The following FCRL3 variants were observed in gnomAD, a reference collection of about 807,000 sequenced individuals.
FCRL3 encodes the protein Fc receptor like 3, also known as Fc receptor-like protein 3.
In FCRL3, 89 loss-of-function variants were observed where a neutral mutation model predicts 75.0. That is an observed-to-expected ratio of 1.19 (90% CI 1.00 to 1.42). The LOEUF is 1.42. Ranked by LOEUF, FCRL3 falls within the 40% of genes most tolerant of loss-of-function variation. The pLI, the probability that FCRL3 is intolerant of heterozygous loss-of-function variation, is 0.00. For synonymous variants in FCRL3, 376 were observed against 348.5 expected, an observed-to-expected ratio of 1.08 and a Z score of -0.88; for missense variants, 946 against 880.0, an observed-to-expected ratio of 1.07 and a Z score of -0.95.
In FCRL3 at chr1:157,697,278, C is replaced by G. The variant is rs373477619; in HGVS notation, c.706G>C (p.Gly236Arg). The change falls in exon 6 of 15, where the codon GGA (glycine) becomes CGA (arginine). Residue 236 changes from glycine (G) to arginine (R), a missense_variant. Coordinates refer to ENST00000368184, the MANE Select transcript of FCRL3 (RefSeq NM_052939.4). ...FSLFRDSQTL[G>R]LGWSRSPRLQ... ...CTGGGGGACCTGCTCCAGCCCAATC[C>G]GAGGGTCTGGCTATCTCTGAAGAGG... 4 of 1,612,298 alleles carry G rather than the reference C, an allele frequency of 2.5e-6. No homozygotes were observed. The highest frequency in any genetic ancestry group is 3.4e-6 in the Non-Finnish European group (4 of 1,178,950).
Position 157,676,584 on chromosome 1 carries a change from A to C in FCRL3, c.*2126T>G. On this transcript the variant is annotated 3_prime_UTR_variant, in exon 15 of 15. Transcript: ENST00000368184. ...GTTGTGAATTCAAAGATAAAAGTCA[A>C]GTAGAGCACTGCATGAGAATAATTC... The C allele has an allele frequency of 1.2e-6, 1 of 835,918 alleles. No individual in the cohort carries two copies. The allele number at this position is 835,918 out of a possible 1,614,324, so 51.8% of individuals were successfully genotyped here.
chr1:157,677,996 T>A lies in FCRL3; in HGVS notation c.*714A>T. On this transcript the variant is annotated 3_prime_UTR_variant, in exon 15 of 15. Transcript: ENST00000368184. ...TGACTGACTAGAAATCTATCATGTA[T>A]GGCAAATGATGAGACTATGTCATGA... 1 of 985,368 alleles carries A rather than the reference T, an allele frequency of 1.0e-6. No homozygotes were observed. Among genetic ancestry groups the A allele is most frequent in the African/African-American group, 1.7e-5 (1 of 57,342 alleles). The allele number at this position is 985,368 out of a possible 1,614,324, so 61.0% of individuals were successfully genotyped here.
Position 157,700,501 on chromosome 1 carries a change from G to A in FCRL3, c.-12C>T, listed in dbSNP as rs775892185. Reference sequence around the variant, plus strand: ...AGCCACAGAAGCATGGGCACCGGCCGGGCAGAGGGTTGGGAAAGTCTGTCT... The same window carrying A: ...AGCCACAGAAGCATGGGCACCGGCCAGGCAGAGGGTTGGGAAAGTCTGTCT... On this transcript the variant is annotated 5_prime_UTR_variant, in exon 2 of 15. Coordinates refer to ENST00000368184, the MANE Select transcript of FCRL3 (RefSeq NM_052939.4). 2.7e-5 allele frequency: 44 copies of A among 1,614,004 alleles called. No individual in the cohort carries two copies. The highest frequency in any genetic ancestry group is 3.6e-5 in the Non-Finnish European group (42 of 1,179,930).
intron 6 of FCRL3, chr1:157,696,882 G>A (rs1655942610): frequency 3.2e-6 from 1 of 316,054 alleles, no homozygotes; most frequent in African/African-American, 2.1e-5. Flanking sequence ...CTTGATTCAT[G>A]AGAGAACCGA....
intron 10 of FCRL3, among the ~76,000 whole-genome samples, chr1:157,685,394 T>A (rs965609154): frequency 2.6e-5 from 4 of 152,024 alleles, no homozygotes; most frequent in African/African-American, 9.7e-5. Flanking sequence ...CTATTCTAAA[T>A]ATATATGCAC....
chr1:157,685,146 A>C (rs1338762739), intron 10 of FCRL3, among the ~76,000 whole-genome samples: 1 of 151,942 alleles, frequency 6.6e-6, no homozygotes, highest in Non-Finnish European at 1.5e-5. Flanking sequence ...TGACAACCTC[A>C]ACACTGAGAT....
chr1:157,690,661 A>T, intron 8 of FCRL3, 128 bp from the exon 9 acceptor site: 1 of 1,155,982 alleles, frequency 8.7e-7, no homozygotes, highest in Non-Finnish European at 1.2e-6. Context: ...CCTGGGCTTC[A>T]ATCCTGTCTC....
chr1:157,677,097 GGC>G lies in FCRL3; in HGVS notation c.*1611_*1612del, dbSNP rs1654510099. On this transcript the variant is annotated 3_prime_UTR_variant, in exon 15 of 15. Coordinates refer to ENST00000368184, the MANE Select transcript of FCRL3 (RefSeq NM_052939.4). ...CAGGACATCATGCCCTGCACTCAAAGGCCAGGATAAGGGTAACAGAGGCCAGT... is the reference window on the plus strand; with the variant it reads ...CAGGACATCATGCCCTGCACTCAAAGCAGGATAAGGGTAACAGAGGCCAGT... 1 of 1,105,994 alleles carries G rather than the reference GGC, an allele frequency of 9.0e-7. No homozygotes were observed. The highest frequency in any genetic ancestry group is 1.1e-6 in the Non-Finnish European group (1 of 897,976). 68.5% of individuals were successfully genotyped at this position (1,105,994 alleles called of 1,614,324 possible).
At chr1:157,686,359 C>T (rs1214913541) in intron 10 of FCRL3, among the ~76,000 whole-genome samples, 1 of 152,080 alleles carries the variant, frequency 6.6e-6, no homozygotes, top group African/African-American at 2.4e-5. Context: ...AATGGCCATA[C>T]TGCCCAAAGA....
chr1:157,692,205 A>C (rs1003064281), intron 8 of FCRL3, among the ~76,000 whole-genome samples: 2 of 151,902 alleles, frequency 1.3e-5, no homozygotes, highest in African/African-American at 4.8e-5. Context: ...TAAATCATAA[A>C]ATATATTTTT....
Position 157,696,146 on chromosome 1 carries a change from C to T in FCRL3, c.1026G>A (p.Glu342=), listed in dbSNP as rs774439537. Residue 342 remains glutamate (E), a synonymous_variant, in exon 7 of 15, where the codon GAG becomes GAA. Transcript: ENST00000368184. Reference sequence around the variant, plus strand: ...TCTCCTTCACGGTGAGAACATGCAGCTCTGCCAACAGGGAACGCTGGGTCT... The same window carrying T: ...TCTCCTTCACGGTGAGAACATGCAGTTCTGCCAACAGGGAACGCTGGGTCT... ...GRKTQRSLLA[E]LHVLTVKESD... is the part of the protein sequence containing the mutation. The T allele has an allele frequency of 2.0e-5, 32 of 1,613,926 alleles. No individual in the cohort carries two copies. The Admixed American group carries it at 5.0e-4, about 25-fold the overall frequency.
At chr1:157,681,132 GT>G in intron 11 of FCRL3, 33 bp from the exon 12 acceptor site, 1 of 1,385,528 alleles carries the variant, frequency 7.2e-7, no homozygotes, top group Non-Finnish European at 9.7e-7. Context: ...GGATTAAAAA[GT>G]ATCTGTGGGT....
At chr1:157,682,672 A>C (rs982124060) in intron 11 of FCRL3, among the ~76,000 whole-genome samples, 1 of 152,236 alleles carries the variant, frequency 6.6e-6, no homozygotes, top group Non-Finnish European at 1.5e-5. Flanking sequence ...CTGATACACA[A>C]AGACCTCTGC....
chr1:157,677,916 C>T lies in FCRL3; in HGVS notation c.*794G>A. The T allele has an allele frequency of 1.0e-6, 1 of 976,186 alleles. No homozygotes were observed. Among genetic ancestry groups the T allele is most frequent in the Non-Finnish European group, 1.2e-6 (1 of 821,960 alleles). 60.5% of individuals were successfully genotyped at this position (976,186 alleles called of 1,614,324 possible). The stretch of plus-strand genomic sequence containing the variant: ...TAGAGGAAGAGAATGGGAGAAGCCA[C>T]ATAGATATAGTAGGTTATTGTCTCG... On this transcript the variant is annotated 3_prime_UTR_variant, in exon 15 of 15. Transcript: ENST00000368184.
Position 157,697,184 on chromosome 1 carries a change from T to C in FCRL3, c.800A>G (p.His267Arg), listed in dbSNP as rs745560678. ...TCTCAGGCTCCTTTTTTTGATGCTGTGAGTCACTGTCTCCACCTCACACCA... is the reference window on the plus strand; with the variant it reads ...TCTCAGGCTCCTTTTTTTGATGCTGCGAGTCACTGTCTCCACCTCACACCA... ...SYWCEVETVTHSIKKRSLRSQ... is the reference protein window; with the variant it reads ...SYWCEVETVTRSIKKRSLRSQ... Residue 267 changes from histidine to arginine, a missense_variant, in exon 6 of 15, where the codon CAC becomes CGC. Coordinates refer to ENST00000368184, the MANE Select transcript of FCRL3 (RefSeq NM_052939.4). 2.0e-6 allele frequency: 3 copies of C among 1,529,518 alleles called. No homozygotes were observed. The South Asian group carries it at 3.9e-5, about 20-fold the overall frequency. 94.7% of individuals were successfully genotyped at this position (1,529,518 alleles called of 1,614,324 possible).
intron 8 of FCRL3, chr1:157,692,044 T>C (rs1378223459): frequency 6.6e-6 from 1 of 152,102 alleles, no homozygotes; most frequent in African/African-American, 2.4e-5. Context: ...ACACTGTGTA[T>C]TGGGATAGGA....
intron 8 of FCRL3, among the ~76,000 whole-genome samples, chr1:157,693,239 C>A (rs1301614694): frequency 2.2e-5 from 3 of 135,168 alleles, no homozygotes; most frequent in Non-Finnish European, 3.1e-5. Flanking sequence ...AGTGCAACTG[C>A]ACTCCAGCCA....
chr1:157,691,002 T>C (rs1655498283), intron 8 of FCRL3, among the ~76,000 whole-genome samples: 2 of 149,072 alleles, frequency 1.3e-5, no homozygotes, highest in Non-Finnish European at 3.0e-5. Context: ...CATCTGTCTA[T>C]GTATGTATGT....
intron 8 of FCRL3, among the ~76,000 whole-genome samples, chr1:157,691,541 G>A (rs944065741): frequency 6.6e-6 from 1 of 152,224 alleles, no homozygotes; most frequent in Admixed American, 6.5e-5. Context: ...GATAGCACCA[G>A]CTGCCTCATC....
Sources: gnomAD v4.1 joint callset for allele counts (sites outside exome capture counted in the v4.1 genomes callset) on GRCh38, gnomAD v4.1.1 for gene constraint, MANE v1.5 for transcripts, NCBI Gene and HGNC (gene_info 2026-07-23, HGNC 2026-07-21) for gene names.